ITGA1: variants seen among roughly 807,000 people sequenced by gnomAD.
ITGA1 encodes integrin alpha-1.
A neutral mutation model predicts 145.9 loss-of-function variants in ITGA1; 85 were observed. The observed-to-expected ratio is 0.58, with a 90% CI of 0.49 to 0.70. The LOEUF is 0.70. ITGA1 is among the 30% of genes least tolerant of loss of function. The pLI is 0.00. For synonymous variants in ITGA1, 520 were observed against 495.3 expected, an observed-to-expected ratio of 1.05 and a Z score of -0.66; for missense variants, 1,351 against 1,418.7, an observed-to-expected ratio of 0.95 and a Z score of 0.77.
intron 21 of ITGA1, 144 bp from the exon 22 acceptor site, chr5:52,931,903 C>A (rs1410756983): frequency 3.7e-6 from 2 of 545,004 alleles, no homozygotes; most frequent in Non-Finnish European, 6.5e-6. Context: ...TCCTTCTTCA[C>A]CCCAATTAAA....
chr5:52,843,658 T>A (rs140001241), intron 1 of ITGA1, among the ~76,000 whole-genome samples: 56 of 152,314 alleles, frequency 3.7e-4, no homozygotes, highest in African/African-American at 1.3e-3. Flanking sequence ...TACAAGATGA[T>A]TAAGAGCCAT....
At chr5:52,880,221 A>ACT (rs1749935720) in intron 6 of ITGA1, among the ~76,000 whole-genome samples, 1 of 152,120 alleles carries the variant, frequency 6.6e-6, no homozygotes. Flanking sequence ...CCACCACTTC[A>ACT]CTATAGGGAT....
At chr5:52,837,508 C>T (rs375636160) in intron 1 of ITGA1, among the ~76,000 whole-genome samples, 12 of 152,106 alleles carry the variant, frequency 7.9e-5, no homozygotes, top group African/African-American at 2.2e-4. Flanking sequence ...CTTTTAGACC[C>T]TATTTTTTCC....
chr5:52,800,616 C>A, intron 1 of ITGA1: 1 of 1,613,814 alleles, frequency 6.2e-7, no homozygotes. Context: ...CCATCGACTT[C>A]GACTCTCAAG....
intron 1 of ITGA1, among the ~76,000 whole-genome samples, chr5:52,831,106 C>T (rs1266680603): frequency 6.6e-6 from 1 of 151,686 alleles, no homozygotes; most frequent in Non-Finnish European, 1.5e-5. Flanking sequence ...ACATAGGAAT[C>T]ACCTGTCTAA....
Position 52,929,641 on chromosome 5 carries a change from T to C in ITGA1, c.2711T>C (p.Leu904Ser), listed in dbSNP as rs1184020530. 6.4e-7 allele frequency: 1 copy of C among 1,572,790 alleles called. No individual in the cohort carries two copies. Among genetic ancestry groups the C allele is most frequent in the African/African-American group, 1.4e-5 (1 of 73,728 alleles). ...ATTTTATAGGTAACTTTCAAAATATTGTTTCAGTTTAACACATCCTATCTC... is the reference window on the plus strand; with the variant it reads ...ATTTTATAGGTAACTTTCAAAATATCGTTTCAGTTTAACACATCCTATCTC... ...RRGEMVTFKILFQFNTSYLME... is the reference protein window; with the variant it reads ...RRGEMVTFKISFQFNTSYLME... Residue 904 changes from leucine (L) to serine (S), a missense_variant, in exon 21 of 29, where the codon TTG becomes TCG. Transcript: ENST00000282588.
chr5:52,920,566 A>C, intron 17 of ITGA1, 98 bp downstream of exon 17: 1 of 1,008,068 alleles, frequency 9.9e-7, no homozygotes, highest in Non-Finnish European at 1.4e-6. Context: ...TTTTATTTCA[A>C]AATGCACTTA....
At chr5:52,902,109 A>T (rs991521783) in intron 11 of ITGA1, 1 of 152,146 alleles carries the variant, frequency 6.6e-6, no homozygotes, top group African/African-American at 2.4e-5. Context: ...AACTGTGTGG[A>T]TTGCAAGTTG....
At chr5:52,856,513 G>A (rs1045857972) in intron 2 of ITGA1, among the ~76,000 whole-genome samples, 1 of 151,968 alleles carries the variant, frequency 6.6e-6, no homozygotes, top group Admixed American at 6.6e-5. Context: ...AACATCCCTG[G>A]CCAGCTGCAA....
intron 24 of ITGA1, 61 bp downstream of exon 24, chr5:52,937,575 G>A: frequency 9.5e-7 from 1 of 1,055,818 alleles, no homozygotes. Flanking sequence ...TTATGTTTAA[G>A]CCTTTTGTTC....
intron 1 of ITGA1, among the ~76,000 whole-genome samples, chr5:52,809,276 C>A (rs1473494644): frequency 1.3e-5 from 2 of 152,108 alleles, no homozygotes; most frequent in Non-Finnish European, 2.9e-5. Flanking sequence ...TGCAAAAAAA[C>A]ACAGTCTACA....
rs1481815065 is a variant in ITGA1, at chr5:52,864,994, T to A, written c.408T>A (p.Tyr136Ter). Residue 136 changes from tyrosine (Y) to a stop codon, truncating the protein, a stop_gained, in exon 5 of 29, where the codon TAT becomes TAA. Coordinates refer to ENST00000282588, the MANE Select transcript of ITGA1 (RefSeq NM_181501.2). LOFTEE classifies it high-confidence loss of function. Reference protein sequence around the residue: ...GFLACGPLYAYRCGHLHYTTG... With the variant: ...GFLACGPLYA ...AGGCTTGTGGGCCCTTATATGCCTA[T>A]AGATGTGGACATTTGCATTACACAA... is the stretch of plus-strand genomic sequence containing the variant. 6.2e-7 allele frequency: 1 copy of A among 1,613,342 alleles called. No homozygotes were observed. The highest frequency in any genetic ancestry group is 8.5e-7 in the Non-Finnish European group (1 of 1,179,730).
chr5:52,825,302 G>T (rs1748942550), intron 1 of ITGA1: 1 of 152,068 alleles, frequency 6.6e-6, no homozygotes, highest in Non-Finnish European at 1.5e-5. Flanking sequence ...TTGTTTTAAT[G>T]CACTTCACTT....
chr5:52,886,568 T>C (rs1405466368), intron 7 of ITGA1, among the ~76,000 whole-genome samples: 1 of 152,140 alleles, frequency 6.6e-6, no homozygotes, highest in African/African-American at 2.4e-5. Context: ...ATATATGAAG[T>C]CTTTTCATTA....
intron 1 of ITGA1, among the ~76,000 whole-genome samples, chr5:52,805,657 G>T (rs1481020441): frequency 6.6e-6 from 1 of 152,024 alleles, no homozygotes; most frequent in Non-Finnish European, 1.5e-5. Context: ...TTTACTAAAA[G>T]ATTTTTTCAG....
intron 1 of ITGA1, among the ~76,000 whole-genome samples, chr5:52,841,170 T>G (rs577898215): frequency 6.6e-6 from 1 of 152,366 alleles, no homozygotes; most frequent in Non-Finnish European, 1.5e-5. Flanking sequence ...TCATTTCTGA[T>G]GAAAGAATTT....
At chr5:52,816,434 A>T (rs1337642025) in intron 1 of ITGA1, among the ~76,000 whole-genome samples, 2 of 152,196 alleles carry the variant, frequency 1.3e-5, no homozygotes, top group East Asian at 3.9e-4. Context: ...TTATGAATCT[A>T]AAAACAATTG....
chr5:52,802,851 A>G (rs775491744), intron 1 of ITGA1: 13 of 152,190 alleles, frequency 8.5e-5, no homozygotes, highest in Non-Finnish European at 1.8e-4. Context: ...TTAAACTCCA[A>G]TACTCTTTAC....
At chr5:52,800,318 TC>T in intron 1 of ITGA1, 3 of 1,545,210 alleles carry the variant, frequency 1.9e-6, no homozygotes, top group Non-Finnish European at 2.7e-6. Flanking sequence ...TGGCCTGCAT[TC>T]CCATCCCCTC....
Sources: allele counts gnomAD v4.1 joint callset (sites outside exome capture counted in the v4.1 genomes callset), GRCh38; gene constraint gnomAD v4.1.1; transcripts MANE v1.5; gene names NCBI Gene and HGNC (gene_info 2026-07-23, HGNC 2026-07-21).